The following ADGRV1 variants were observed in gnomAD, a reference collection of about 807,000 sequenced individuals.
ADGRV1 encodes the protein adhesion G protein-coupled receptor V1, also known as G-protein coupled receptor 98.
Under a neutral mutation model 596.2 loss-of-function variants are expected in ADGRV1, and 359 were observed. The ratio of observed to expected loss-of-function variants is 0.60; its 90% CI spans 0.55 to 0.66. The LOEUF is 0.66. ADGRV1 is among the 30% of genes least tolerant of loss of function. ADGRV1 has a pLI of 0.00. For synonymous variants in ADGRV1, 2,681 were observed against 2,679.2 expected, an observed-to-expected ratio of 1.00 and a Z score of -0.02; for missense variants, 7,274 against 7,575.6, an observed-to-expected ratio of 0.96 and a Z score of 1.48.
chr5:91,098,216 G>A (rs1213100992), intron 86 of ADGRV1, among the ~76,000 whole-genome samples: 1 of 152,140 alleles, frequency 6.6e-6, no homozygotes, highest in East Asian at 1.9e-4. Context: ...ATTGAATGGA[G>A]CACTGTTTTT....
intron 87 of ADGRV1, among the ~76,000 whole-genome samples, chr5:91,121,021 A>G (rs562982072): frequency 4.2e-4 from 64 of 152,270 alleles, no homozygotes; most frequent in African/African-American, 1.5e-3. Context: ...TAAAAATACA[A>G]AAATTAGCCT....
chr5:91,057,767 T>C (rs1301952252), intron 85 of ADGRV1, among the ~76,000 whole-genome samples: 2 of 152,242 alleles, frequency 1.3e-5, no homozygotes, highest in Non-Finnish European at 1.5e-5. Flanking sequence ...TTCATTGCTC[T>C]TTCCTCCTAG....
At chr5:90,776,680 C>A (rs1376705797) in intron 61 of ADGRV1, 104 bp downstream of exon 61, 6 of 1,255,292 alleles carry the variant, frequency 4.8e-6, no homozygotes, top group Non-Finnish European at 6.9e-6. Flanking sequence ...AGTCTTCAAG[C>A]ATTAACATTC....
At position 90,622,908 on chromosome 5, in the gene ADGRV1, T is replaced by G. The variant is rs6891287; in HGVS notation, c.558+207T>G. 0.45 allele frequency among the ~76,000 whole-genome samples: 67,686 copies of G among 151,870 alleles called. 16,224 individuals are homozygous for G. The highest frequency in any genetic ancestry group is 0.59 in the Admixed American group (9,056 of 15,276). On this transcript the variant is annotated intron_variant, in intron 5 of 89. Coordinates refer to ENST00000405460, the MANE Select transcript of ADGRV1 (RefSeq NM_032119.4). ...GGCATGTGCCACCATGCCTGGCTAATTTTTGTATTTTTAGTAGAGACAGGG... is the reference window on the plus strand; with the variant it reads ...GGCATGTGCCACCATGCCTGGCTAAGTTTTGTATTTTTAGTAGAGACAGGG...
chr5:90,651,790 G>T, intron 18 of ADGRV1, 60 bp downstream of exon 18: 1 of 1,055,316 alleles, frequency 9.5e-7, no homozygotes, highest in South Asian at 1.8e-5. Context: ...TTAAGTATGT[G>T]AAATTCTGAA....
At chr5:90,972,167 A>G (rs957211391) in intron 84 of ADGRV1, among the ~76,000 whole-genome samples, 14 of 152,224 alleles carry the variant, frequency 9.2e-5, no homozygotes, top group African/African-American at 3.1e-4. Flanking sequence ...CTAAATATAT[A>G]TGCACCGAAT....
At position 90,805,363 on chromosome 5, in the gene ADGRV1, C is replaced by A. The variant is rs1418095592; in HGVS notation, c.14741C>A (p.Thr4914Lys). 6.2e-7 allele frequency: 1 copy of A among 1,612,170 alleles called. No homozygotes were observed. Among genetic ancestry groups the A allele is most frequent in the East Asian group, 2.2e-5 (1 of 44,860 alleles). ...TSHVMISRRG[T>K]YGALSVAWTT... Reference sequence around the variant, plus strand: ...CACGTTATGATTTCTAGGAGAGGCACATATGGAGCTCTCTCGGTTGCCTGG... The same window carrying A: ...CACGTTATGATTTCTAGGAGAGGCAAATATGGAGCTCTCTCGGTTGCCTGG... Residue 4914 changes from threonine (T) to lysine (K), a missense_variant, in exon 72 of 90, where the codon ACA becomes AAA. This residue lies in a region of ADGRV1 where 1,874 missense variants were observed against 1,970.2 expected (regional missense o/e 0.95). Coordinates refer to ENST00000405460, the MANE Select transcript of ADGRV1 (RefSeq NM_032119.4).
At chr5:91,066,602 G>T (rs1320193789) in intron 85 of ADGRV1, among the ~76,000 whole-genome samples, 1 of 152,160 alleles carries the variant, frequency 6.6e-6, no homozygotes, top group African/African-American at 2.4e-5. Context: ...CATAATTTGG[G>T]GATGTGGAAT....
At chr5:91,082,823 C>G (rs1043320692) in intron 86 of ADGRV1, among the ~76,000 whole-genome samples, 2 of 152,088 alleles carry the variant, frequency 1.3e-5, no homozygotes, top group Admixed American at 6.6e-5. Flanking sequence ...ACCTGTATTT[C>G]CATTCTTGGT....
At position 90,788,254 on chromosome 5, in the gene ADGRV1, C is replaced by T; in HGVS notation, c.13837C>T (p.His4613Tyr). 6.2e-7 allele frequency: 1 copy of T among 1,612,664 alleles called. No individual in the cohort carries two copies. The highest frequency in any genetic ancestry group is 2.2e-5 in the East Asian group (1 of 44,860). ...EVEETFIIKL[H>Y]LVKGEAKLDS... The stretch of plus-strand genomic sequence containing the variant: ...TGAAGAGACATTCATTATTAAACTT[C>T]ATCTTGTGAAAGGAGAAGCTAAATT... Residue 4613 changes from histidine to tyrosine, a missense_variant, in exon 68 of 90, where the codon CAT becomes TAT. His to Tyr is a moderately conservative substitution (Grantham distance 83, BLOSUM62 2). Around this residue, in one of 5 missense-constraint regions of ADGRV1, gnomAD observed 3,643 missense variants for 3,809.2 expected, o/e 0.96. Coordinates refer to ENST00000405460, the MANE Select transcript of ADGRV1 (RefSeq NM_032119.4).
At chr5:90,629,173 G>T in intron 8 of ADGRV1, 37 bp from the exon 9 acceptor site, 1 of 1,217,842 alleles carries the variant, frequency 8.2e-7, no homozygotes, top group Non-Finnish European at 1.1e-6. Context: ...TCAGATGCGA[G>T]AATTCTGTAC....
chr5:90,873,326 AT>A (rs1367771331), intron 83 of ADGRV1, among the ~76,000 whole-genome samples: 1 of 152,132 alleles, frequency 6.6e-6, no homozygotes, highest in Non-Finnish European at 1.5e-5. Flanking sequence ...TTCAGGCACT[AT>A]GTTTTGGTTG....
intron 87 of ADGRV1, among the ~76,000 whole-genome samples, chr5:91,107,335 T>C (rs1791971438): frequency 6.6e-6 from 1 of 152,156 alleles, no homozygotes; most frequent in Non-Finnish European, 1.5e-5. Context: ...AGGAAAGATT[T>C]GTTGCCATGG....
At chr5:90,780,782 C>T (rs1758754927) in intron 64 of ADGRV1, among the ~76,000 whole-genome samples, 1 of 152,036 alleles carries the variant, frequency 6.6e-6, no homozygotes, top group Non-Finnish European at 1.5e-5. Context: ...CTCACTGCAA[C>T]TTTGAATGCC....
At chr5:91,060,861 C>T (rs1787368351) in intron 85 of ADGRV1, among the ~76,000 whole-genome samples, 2 of 152,148 alleles carry the variant, frequency 1.3e-5, no homozygotes, top group Admixed American at 1.3e-4. Flanking sequence ...GGCTACTGTT[C>T]TCTAAAATGT....
intron 70 of ADGRV1, chr5:90,791,681 A>G (rs1239088659): frequency 2.5e-5 from 5 of 199,274 alleles, no homozygotes; most frequent in Non-Finnish European, 4.1e-5. Flanking sequence ...ATACTTGTCA[A>G]AGGGGAGAAA....
intron 84 of ADGRV1, among the ~76,000 whole-genome samples, chr5:90,967,844 T>C (rs995770169): frequency 4.6e-5 from 7 of 152,188 alleles, no homozygotes. Flanking sequence ...CAATTGAATA[T>C]GTGACCAGAA....
At chr5:90,576,986 TGTTTAA>T (rs1375629639) in intron 1 of ADGRV1, among the ~76,000 whole-genome samples, 1 of 152,214 alleles carries the variant, frequency 6.6e-6, no homozygotes, top group African/African-American at 2.4e-5. Flanking sequence ...CTTGTGAATT[TGTTTAA>T]GTTCTTTGTA....
chr5:91,112,387 A>G (rs1297293674), intron 87 of ADGRV1, among the ~76,000 whole-genome samples: 1 of 152,108 alleles, frequency 6.6e-6, no homozygotes, highest in Non-Finnish European at 1.5e-5. Flanking sequence ...CATTTATTGC[A>G]TCTTAAACAA....
Sources: allele counts gnomAD v4.1 joint callset (sites outside exome capture counted in the v4.1 genomes callset), GRCh38; gene constraint gnomAD v4.1.1; regional missense constraint gnomAD v4.1.1; transcripts MANE v1.5; gene names NCBI Gene and HGNC (gene_info 2026-07-23, HGNC 2026-07-21).